The following ABL1 variants were observed in gnomAD, a reference collection of about 807,000 sequenced individuals.
ABL1 encodes the protein ABL proto-oncogene 1, non-receptor tyrosine kinase, also known as tyrosine-protein kinase ABL1.
Under a neutral mutation model 94.7 loss-of-function variants are expected in ABL1, and 11 were observed. The ratio of observed to expected loss-of-function variants is 0.12; its 90% CI spans 0.07 to 0.19. ABL1 has a LOEUF of 0.19. Ranked by LOEUF, ABL1 falls within the 10% of genes least tolerant of loss-of-function variation. ABL1 has a pLI of 1.00. For synonymous variants in ABL1, 656 were observed against 622.4 expected (o/e 1.05, Z -0.80); for missense variants, 1,082 against 1,489.4 (o/e 0.73, Z 4.50).
At chr9:130,839,933 G>A (rs1830645929) in intron 1 of ABL1, among the ~76,000 whole-genome samples, 1 of 152,150 alleles carries the variant, frequency 6.6e-6, no homozygotes, top group African/African-American at 2.4e-5. Flanking sequence ...TGTGCTCTTG[G>A]CTGGTCTTGC....
At chr9:130,845,373 G>A (rs1455890460) in intron 1 of ABL1, among the ~76,000 whole-genome samples, 2 of 151,392 alleles carry the variant, frequency 1.3e-5, no homozygotes, top group East Asian at 3.9e-4. Flanking sequence ...ACAGAGTCGA[G>A]CTCTGTTGCC....
chr9:130,717,969 G>C (rs2789759), intron 1 of ABL1, among the ~76,000 whole-genome samples: 1 of 148,280 alleles, frequency 6.7e-6, no homozygotes, highest in African/African-American at 2.5e-5. Flanking sequence ...ACGAGATCAC[G>C]CCATTGCACT....
intron 1 of ABL1, among the ~76,000 whole-genome samples, chr9:130,748,768 G>A (rs1170863630): frequency 6.6e-6 from 1 of 152,054 alleles, no homozygotes; most frequent in African/African-American, 2.4e-5. Flanking sequence ...GTGGAGACGG[G>A]GTTTCGCCAT....
chr9:130,771,016 G>A (rs1291564060), intron 1 of ABL1, among the ~76,000 whole-genome samples: 4 of 152,182 alleles, frequency 2.6e-5, no homozygotes, highest in African/African-American at 4.8e-5. Flanking sequence ...GTTATAAAAT[G>A]TGTCTATATC....
chr9:130,812,180 C>T (rs1375649159), intron 1 of ABL1, among the ~76,000 whole-genome samples: 1 of 124,384 alleles, frequency 8.0e-6, no homozygotes, highest in Non-Finnish European at 1.6e-5. Flanking sequence ...CTTTGGAAGC[C>T]AAGTGAGACT....
intron 1 of ABL1, among the ~76,000 whole-genome samples, chr9:130,715,614 T>C (rs1005350961): frequency 2.6e-5 from 4 of 152,232 alleles, no homozygotes; most frequent in Middle Eastern, 3.2e-3. Context: ...TTATGATGGT[T>C]CCCAAATTCA....
chr9:130,798,675 A>AT (rs1244005070), intron 1 of ABL1, among the ~76,000 whole-genome samples: 1 of 152,044 alleles, frequency 6.6e-6, no homozygotes, highest in Non-Finnish European at 1.5e-5. Flanking sequence ...TTCTTTAGGA[A>AT]TTGGAAGGGG....
intron 1 of ABL1, among the ~76,000 whole-genome samples, chr9:130,806,627 C>T (rs1376642577): frequency 6.7e-6 from 1 of 148,634 alleles, no homozygotes; most frequent in Non-Finnish European, 1.5e-5. Context: ...CCAGCCTGGA[C>T]AACAAAGTGA....
intron 1 of ABL1, chr9:130,714,496 G>A: frequency 6.2e-7 from 1 of 1,614,006 alleles, no homozygotes; most frequent in Non-Finnish European, 8.5e-7. Flanking sequence ...TTTTCCTCAT[G>A]CATTCATCTT....
intron 1 of ABL1, among the ~76,000 whole-genome samples, chr9:130,810,422 G>C (rs997829337): frequency 5.9e-5 from 9 of 152,104 alleles, no homozygotes; most frequent in African/African-American, 2.2e-4. Context: ...CTTGAACCTG[G>C]GAGGCAGAGG....
At chr9:130,845,765 G>A (rs966763170) in intron 1 of ABL1, among the ~76,000 whole-genome samples, 6 of 151,304 alleles carry the variant, frequency 4.0e-5, no homozygotes, top group East Asian at 1.9e-4. Context: ...TTTGAGGACT[G>A]TTTCAAAAAG....
intron 1 of ABL1, among the ~76,000 whole-genome samples, chr9:130,726,019 A>T (rs902322575): frequency 6.8e-6 from 1 of 147,708 alleles, no homozygotes; most frequent in African/African-American, 2.5e-5. Flanking sequence ...TGGCTAATTT[A>T]AAAAAAAAAT....
chr9:130,799,076 G>A (rs1425103946), intron 1 of ABL1, among the ~76,000 whole-genome samples: 2 of 151,970 alleles, frequency 1.3e-5, no homozygotes, highest in Admixed American at 6.6e-5. Flanking sequence ...GTTCAGAAGA[G>A]CACTTTGCTT....
upstream of ABL1, among the ~76,000 whole-genome samples, chr9:130,834,603 G>T (rs1418478317): frequency 6.6e-6 from 1 of 152,188 alleles, no homozygotes; most frequent in Non-Finnish European, 1.5e-5. Flanking sequence ...TCAGAGAAGA[G>T]GCCCAGACCG....
rs1429036120 is a variant in ABL1 at position 130,887,342 on chromosome 9, C to T, written c.*1659C>T. On this transcript the variant is annotated 3_prime_UTR_variant, in exon 11 of 11. Coordinates refer to ENST00000318560, the MANE Select transcript of ABL1 (RefSeq NM_005157.6). Reference sequence around the variant, plus strand: ...GCTGTGACGCAGCCGGAGGGAGGCACTAGTCACCGACAGCGGCCTTGAAGA... The same window carrying T: ...GCTGTGACGCAGCCGGAGGGAGGCATTAGTCACCGACAGCGGCCTTGAAGA... 4.3e-6 allele frequency: 1 copy of T among 233,262 alleles called. No homozygotes were observed. Among genetic ancestry groups the T allele is most frequent in the African/African-American group, 2.2e-5 (1 of 45,366 alleles). 14.4% of individuals were successfully genotyped at this position (233,262 alleles called of 1,614,324 possible). A position where few individuals can be genotyped will look rare whatever the true frequency, so the allele number is the denominator to read the frequency against.
Position 130,874,786 on chromosome 9 carries a change from T to C in ABL1, c.1086-82T>C, listed in dbSNP as rs1831313482. On this transcript the variant is annotated intron_variant, in intron 6 of 10. Coordinates refer to ENST00000318560, the MANE Select transcript of ABL1 (RefSeq NM_005157.6). Reference sequence around the variant, plus strand: ...GACTCAATCTTTCCATTGTCAGCATTGCACCTTTGCTCAGCAGTGGTGGAT... The same window carrying C: ...GACTCAATCTTTCCATTGTCAGCATCGCACCTTTGCTCAGCAGTGGTGGAT... 6.3e-6 allele frequency: 9 copies of C among 1,426,156 alleles called. No homozygotes were observed. The South Asian group carries it at 8.7e-5, about 14-fold the overall frequency. 88.3% of individuals were successfully genotyped at this position (1,426,156 alleles called of 1,614,324 possible).
chr9:130,757,788 G>A (rs940373714), intron 1 of ABL1, among the ~76,000 whole-genome samples: 3 of 151,952 alleles, frequency 2.0e-5, no homozygotes, highest in African/African-American at 7.2e-5. Context: ...TGATTTACCC[G>A]CCTCGGCCTC....
chr9:130,817,713 A>G (rs1342345257), intron 1 of ABL1, among the ~76,000 whole-genome samples: 1 of 152,220 alleles, frequency 6.6e-6, no homozygotes, highest in East Asian at 1.9e-4. Context: ...CTTTTTCTTC[A>G]GGGCACCAGG....
chr9:130,828,972 C>G (rs370352406), intron 1 of ABL1, among the ~76,000 whole-genome samples: 202 of 151,770 alleles, frequency 1.3e-3, no homozygotes, highest in Non-Finnish European at 2.4e-3. Flanking sequence ...TTCAGAACAC[C>G]AAGAATATTA....
Sources: gnomAD v4.1 joint callset for allele counts (sites outside exome capture counted in the v4.1 genomes callset) on GRCh38, gnomAD v4.1.1 for gene constraint, MANE v1.5 for transcripts, NCBI Gene and HGNC (gene_info 2026-07-23, HGNC 2026-07-21) for gene names.